The following PDCD11 variants were observed in gnomAD, a reference collection of about 807,000 sequenced individuals.
PDCD11 encodes programmed cell death 11.
A neutral mutation model predicts 198.9 loss-of-function variants in PDCD11; 97 were observed. That is an observed-to-expected ratio of 0.49 (90% CI 0.41 to 0.58). The LOEUF (loss-of-function observed/expected upper bound fraction) is 0.58. PDCD11 is among the 20% of genes least tolerant of loss of function. The pLI is 0.00. For synonymous variants in PDCD11, 893 were observed against 918.0 expected, an observed-to-expected ratio of 0.97 and a Z score of 0.49; for missense variants, 2,102 against 2,312.7, an observed-to-expected ratio of 0.91 and a Z score of 1.87.
intron 24 of PDCD11, 97 bp from the exon 25 acceptor site, chr10:103,434,701 G>T: frequency 1.0e-6 from 1 of 1,001,726 alleles, no homozygotes; most frequent in South Asian, 1.7e-5. Context: ...CCCAAGTCTG[G>T]GCAGCCTCCA....
Position 103,439,772 on chromosome 10 carries a change from C to T in PDCD11, c.4052C>T (p.Ala1351Val). 4 of 1,614,134 alleles carry T rather than the reference C, an allele frequency of 2.5e-6. No individual in the cohort carries two copies. The highest frequency in any genetic ancestry group is 3.4e-6 in the Non-Finnish European group (4 of 1,180,014). ...FRLGPSVVGL[A>V]RYSHVSQHSP... is the part of the protein sequence containing the mutation. ...CTTGGCCCCTCCGTTGTGGGTTTGGCTCGGTACTCCCATGTCTCCCAGCAC... is the reference window on the plus strand; with the variant it reads ...CTTGGCCCCTCCGTTGTGGGTTTGGTTCGGTACTCCCATGTCTCCCAGCAC... Residue 1351 changes from alanine to valine, a missense_variant, in exon 28 of 36, where the codon GCT (alanine) becomes GTT (valine). Coordinates refer to ENST00000369797, the MANE Select transcript of PDCD11 (RefSeq NM_014976.2).
chr10:103,403,411 AT>A, intron 4 of PDCD11, 126 bp downstream of exon 4: 1 of 823,572 alleles, frequency 1.2e-6, no homozygotes, highest in Non-Finnish European at 1.9e-6. Flanking sequence ...TCATAAAGGA[AT>A]TTTTGACTAA....
chr10:103,413,047 C>G, intron 8 of PDCD11, 69 bp from the exon 9 acceptor site: 1 of 1,190,624 alleles, frequency 8.4e-7, no homozygotes. Flanking sequence ...AGGCTTGATG[C>G]CTGGAAGGTC....
chr10:103,444,916 C>T (rs2032538073), intron 35 of PDCD11, among the ~76,000 whole-genome samples: 1 of 152,218 alleles, frequency 6.6e-6, no homozygotes, highest in African/African-American at 2.4e-5. Context: ...ACTCGAGTTT[C>T]TCTCATAATT....
chr10:103,416,557 A>G lies in PDCD11; in HGVS notation c.1585A>G (p.Lys529Glu), dbSNP rs2031119154. ...MTLKKTLIES[K>E]LPVITCYADA... ...CCTGAAAAAAACCCTGATTGAGTCC[A>G]AACTACCTGTCATTACCTGCTATGC... Residue 529 changes from lysine to glutamate, a missense_variant, in exon 13 of 36, where the codon AAA becomes GAA. Lys to Glu is a moderately conservative substitution (Grantham distance 56). Coordinates refer to ENST00000369797, the MANE Select transcript of PDCD11 (RefSeq NM_014976.2). 7 of 1,614,218 alleles carry G rather than the reference A, an allele frequency of 4.3e-6. No homozygotes were observed. The highest frequency in any genetic ancestry group is 5.9e-6 in the Non-Finnish European group (7 of 1,180,028).
At chr10:103,405,758 C>T (rs1361438167) in intron 5 of PDCD11, among the ~76,000 whole-genome samples, 1 of 152,192 alleles carries the variant, frequency 6.6e-6, no homozygotes, top group Non-Finnish European at 1.5e-5. Flanking sequence ...TTCCATCATT[C>T]AGCTGTGTTA....
intron 17 of PDCD11, among the ~76,000 whole-genome samples, chr10:103,422,095 T>C (rs1037865239): frequency 6.9e-6 from 1 of 144,822 alleles, no homozygotes; most frequent in African/African-American, 2.6e-5. Context: ...ATTATTATTA[T>C]TATTGAGACC....
chr10:103,426,652 G>T (rs2031706920), intron 20 of PDCD11, among the ~76,000 whole-genome samples: 1 of 151,932 alleles, frequency 6.6e-6, no homozygotes, highest in Non-Finnish European at 1.5e-5. Flanking sequence ...AATTAGCCGG[G>T]CACAGTGCCT....
At chr10:103,398,568 T>C in intron 2 of PDCD11, 40 bp downstream of exon 2, 1 of 1,271,738 alleles carries the variant, frequency 7.9e-7, no homozygotes, top group Non-Finnish European at 1.2e-6. Context: ...ACTGGAAACT[T>C]TTACTGTAGT....
chr10:103,402,517 C>A (rs988592958), intron 3 of PDCD11, among the ~76,000 whole-genome samples: 17 of 152,018 alleles, frequency 1.1e-4, no homozygotes, highest in African/African-American at 4.1e-4. Context: ...CAGTTCATTG[C>A]AACCTCCACC....
intron 35 of PDCD11, 115 bp from the exon 36 acceptor site, chr10:103,445,263 G>A: frequency 2.3e-6 from 2 of 883,878 alleles, no homozygotes; most frequent in Non-Finnish European, 3.7e-6. Flanking sequence ...AGAAGTGGGA[G>A]TCCTGGATGG....
rs1564762242 is a variant in PDCD11 at position 103,414,056 on chromosome 10, C to T, written c.1276C>T (p.Gln426Ter). ...CAAGTGTAGAATTATTGACTACAGC[C>T]AAATGGATGAACTGGCCTTGCTCTC... ...THKCRIIDYS[Q>*]MDELALLSLR... The change falls in exon 10 of 36, where the codon CAA becomes TAA. Residue 426 changes from glutamine (Q) to a stop codon, truncating the protein, a stop_gained. Transcript: ENST00000369797. LOFTEE classifies it high-confidence loss of function. 1 of 1,613,368 alleles carries T rather than the reference C, an allele frequency of 6.2e-7. No individual in the cohort carries two copies. Among genetic ancestry groups the T allele is most frequent in the Non-Finnish European group, 8.5e-7 (1 of 1,179,764 alleles).
At chr10:103,441,692 C>A in intron 30 of PDCD11, 134 bp from the exon 31 acceptor site, 2 of 764,490 alleles carry the variant, frequency 2.6e-6, no homozygotes, top group Non-Finnish European at 4.4e-6. Flanking sequence ...CCTGGCATGG[C>A]CTAGGAGGAG....
In PDCD11 at chr10:103,425,061, G is replaced by C. The variant is rs1377365215; in HGVS notation, c.2841G>C (p.Thr947=). 6.2e-7 allele frequency: 1 copy of C among 1,614,198 alleles called. No individual in the cohort carries two copies. The highest frequency in any genetic ancestry group is 1.1e-5 in the South Asian group (1 of 91,088). ...TTGCCATTGCCTCCTTGGTAGAGAC[G>C]GGCCACCTGGCAGCTTTCTCCCTGA... ...KSFAIASLVE[T]GHLAAFSLTS... The change falls in exon 20 of 36, where the codon ACG becomes ACC. Residue 947 remains threonine (T), a synonymous_variant. Transcript: ENST00000369797.
chr10:103,428,121 C>G (rs2031775384), intron 21 of PDCD11, among the ~76,000 whole-genome samples: 1 of 152,092 alleles, frequency 6.6e-6, no homozygotes, highest in Non-Finnish European at 1.5e-5. Context: ...GCCTGACCAA[C>G]ATGGCGAAAC....
At chr10:103,399,547 A>G (rs2093453528) in intron 2 of PDCD11, 1 of 152,288 alleles carries the variant, frequency 6.6e-6, no homozygotes, top group Non-Finnish European at 1.5e-5. Flanking sequence ...TGCCACATGT[A>G]ATGGTCAGAA....
Position 103,417,833 on chromosome 10 carries a change from G to C in PDCD11, c.1812G>C (p.Glu604Asp). ...VVVLNCEPSK[E>D]RMLLSFKLSS... Reference sequence around the variant, plus strand: ...TATTGAACTGTGAGCCATCCAAAGAGAGGATGCTCTTATCCTTCAAGCTGT... The same window carrying C: ...TATTGAACTGTGAGCCATCCAAAGACAGGATGCTCTTATCCTTCAAGCTGT... Residue 604 changes from glutamate (E) to aspartate (D), a missense_variant, in exon 14 of 36, where the codon GAG (glutamate) becomes GAC (aspartate). Physicochemically the swap from Glu to Asp is conservative, Grantham distance 45 (BLOSUM62 2). Transcript: ENST00000369797. The C allele has an allele frequency of 1.2e-6, 2 of 1,614,220 alleles. No individual in the cohort carries two copies. Among genetic ancestry groups the C allele is most frequent in the Non-Finnish European group, 1.7e-6 (2 of 1,180,038 alleles).
chr10:103,415,757 G>A (rs1244756935), intron 12 of PDCD11, among the ~76,000 whole-genome samples: 1 of 152,184 alleles, frequency 6.6e-6, no homozygotes, highest in African/African-American at 2.4e-5. Context: ...TTGGAAGGTT[G>A]GGGAGAGCAA....
At position 103,445,603 on chromosome 10, in the gene PDCD11, T is replaced by A; in HGVS notation, c.*54T>A. The stretch of plus-strand genomic sequence containing the variant: ...AACAATGGGCCAGCCCGGCCCCGCC[T>A]CGAGTGCCTGGGCACTCGGAAAACT... On this transcript the variant is annotated 3_prime_UTR_variant, in exon 36 of 36. Transcript: ENST00000369797. The A allele has an allele frequency of 6.5e-7, 1 of 1,528,466 alleles. No individual in the cohort carries two copies. Among genetic ancestry groups the A allele is most frequent in the Non-Finnish European group, 9.0e-7 (1 of 1,113,814 alleles). The allele number at this position is 1,528,466 out of a possible 1,614,324, so 94.7% of individuals were successfully genotyped here.
Sources: allele counts gnomAD v4.1 joint callset (sites outside exome capture counted in the v4.1 genomes callset), GRCh38; gene constraint gnomAD v4.1.1; transcripts MANE v1.5; gene names NCBI Gene and HGNC (gene_info 2026-07-23, HGNC 2026-07-21).